SORCS2: variants seen among roughly 807,000 people sequenced by gnomAD.
SORCS2 encodes VPS10 domain-containing receptor SorCS2.
Under a neutral mutation model 141.6 loss-of-function variants are expected in SORCS2, and 100 were observed. The ratio of observed to expected loss-of-function variants is 0.71; its 90% CI spans 0.60 to 0.83. SORCS2 has a LOEUF of 0.83. Among genes scored for constraint, SORCS2 ranks in the 40% least tolerant of loss-of-function variants. SORCS2 has a pLI of 0.00. For synonymous variants in SORCS2, 789 were observed against 676.9 expected (o/e 1.17, Z -2.57); for missense variants, 1,646 against 1,560.2 (o/e 1.05, Z -0.93).
intron 1 of SORCS2, among the ~76,000 whole-genome samples, chr4:7,243,023 C>T (rs1012767701): frequency 6.6e-6 from 1 of 151,442 alleles, no homozygotes. Context: ...TCCTTGAGTG[C>T]GTCATTGGCT....
chr4:7,666,466 C>A (rs1156459745), intron 7 of SORCS2, among the ~76,000 whole-genome samples: 1 of 152,210 alleles, frequency 6.6e-6, no homozygotes, highest in Non-Finnish European at 1.5e-5. Context: ...TCCCTCCTCC[C>A]ACCCTGGTCC....
At chr4:7,584,060 G>A (rs1467960382) in intron 3 of SORCS2, among the ~76,000 whole-genome samples, 2 of 152,220 alleles carry the variant, frequency 1.3e-5, no homozygotes. Context: ...ACTGTGTCTT[G>A]CGGACACTAA....
At chr4:7,738,071 T>A (rs535807299) in intron 26 of SORCS2, among the ~76,000 whole-genome samples, 1 of 152,384 alleles carries the variant, frequency 6.6e-6, no homozygotes, top group South Asian at 2.1e-4. Context: ...ACGCTGTCAC[T>A]TGTGTCTTGC....
At chr4:7,566,394 A>G (rs1715017811) in intron 3 of SORCS2, among the ~76,000 whole-genome samples, 2 of 152,196 alleles carry the variant, frequency 1.3e-5, no homozygotes, top group Admixed American at 1.3e-4. Context: ...GAAGATGAAG[A>G]TGACGGATTG....
At chr4:7,271,954 C>T (rs1715166556) in intron 1 of SORCS2, among the ~76,000 whole-genome samples, 1 of 152,314 alleles carries the variant, frequency 6.6e-6, no homozygotes, top group South Asian at 2.1e-4. Flanking sequence ...CAGCCAGGGG[C>T]AGCAGGGAGC....
chr4:7,716,619 A>T (rs1478337329), intron 17 of SORCS2, among the ~76,000 whole-genome samples: 2 of 151,926 alleles, frequency 1.3e-5, no homozygotes, highest in Non-Finnish European at 2.9e-5. Context: ...CCACCCACCC[A>T]TCTGTCCATC....
At chr4:7,468,717 C>A (rs1431992820) in intron 2 of SORCS2, among the ~76,000 whole-genome samples, 1 of 152,234 alleles carries the variant, frequency 6.6e-6, no homozygotes, top group Non-Finnish European at 1.5e-5. Flanking sequence ...GGATCCTAAC[C>A]ATCTCTTCCA....
intron 11 of SORCS2, among the ~76,000 whole-genome samples, chr4:7,691,029 G>C (rs1724210857): frequency 6.6e-6 from 1 of 152,148 alleles, no homozygotes; most frequent in South Asian, 2.1e-4. Context: ...TTTGCACATG[G>C]GGTCTGTGAC....
rs1488636860 is a variant in SORCS2, at chr4:7,728,384, G to A, written c.2904G>A (p.Lys968=). ...AAGTCATGCCTCTGCAGTTTTCCAA[G>A]GAGCTGGATGCCTACAACCCCAACA... ...QFQVMPLQFS[K]ELDAYNPNTP... is the part of the protein sequence containing the mutation. The change falls in exon 22 of 27, where the codon AAG becomes AAA. Residue 968 remains lysine (K), a synonymous_variant. Transcript: ENST00000507866. 6.2e-7 allele frequency: 1 copy of A among 1,613,830 alleles called. No individual in the cohort carries two copies.
intron 12 of SORCS2, among the ~76,000 whole-genome samples, chr4:7,699,908 G>A (rs1292893609): frequency 2.0e-5 from 3 of 152,122 alleles, no homozygotes; most frequent in Non-Finnish European, 1.5e-5. Context: ...CCTCTAACGA[G>A]CCCCTGCCCC....
At chr4:7,225,713 C>T (rs1231979910) in intron 1 of SORCS2, among the ~76,000 whole-genome samples, 1 of 152,052 alleles carries the variant, frequency 6.6e-6, no homozygotes, top group Non-Finnish European at 1.5e-5. Flanking sequence ...GTGAGCTGGC[C>T]CACCAGGCTG....
At chr4:7,604,982 A>G (rs1717970767) in intron 3 of SORCS2, among the ~76,000 whole-genome samples, 2 of 152,212 alleles carry the variant, frequency 1.3e-5, no homozygotes, top group African/African-American at 4.8e-5. Context: ...GTTAGGATTC[A>G]TTTCAGCCAC....
intron 1 of SORCS2, among the ~76,000 whole-genome samples, chr4:7,248,886 C>G (rs899400874): frequency 5.9e-5 from 9 of 152,152 alleles, no homozygotes; most frequent in Non-Finnish European, 1.2e-4. Context: ...ACCCTGAGAG[C>G]TTGTGTCTGG....
chr4:7,733,051 G>T (rs1320705186), intron 23 of SORCS2, among the ~76,000 whole-genome samples: 1 of 139,122 alleles, frequency 7.2e-6, no homozygotes, highest in Non-Finnish European at 1.5e-5. Context: ...CACCCCTCTG[G>T]TGGATCCCAG....
intron 1 of SORCS2, among the ~76,000 whole-genome samples, chr4:7,223,010 T>C (rs932712100): frequency 2.6e-5 from 4 of 152,174 alleles, no homozygotes; most frequent in Admixed American, 6.5e-5. Context: ...GGATCCTAAC[T>C]GGACCCCAGG....
At chr4:7,440,985 C>T (rs921530692) in intron 2 of SORCS2, among the ~76,000 whole-genome samples, 3 of 152,084 alleles carry the variant, frequency 2.0e-5, no homozygotes, top group Non-Finnish European at 2.9e-5. Flanking sequence ...AAGGGAGTTT[C>T]GTGGGGTGAG....
intron 2 of SORCS2, among the ~76,000 whole-genome samples, chr4:7,468,202 G>C (rs139905326): frequency 6.6e-6 from 1 of 152,326 alleles, no homozygotes. Flanking sequence ...CAAGGCTTCT[G>C]TGTGAATAGC....
rs1712623613 is a variant in SORCS2 at position 7,740,930 on chromosome 4, C to T, written c.*666C>T. On this transcript the variant is annotated 3_prime_UTR_variant, in exon 27 of 27. Transcript: ENST00000507866. ...CTGTCAGAGTTCCGTACTCGGGAGC[C>T]CCTTTCCCTGAGTGCCCAGGGTGTC... is the stretch of plus-strand genomic sequence containing the variant. The T allele has an allele frequency of 2.5e-6, 1 of 398,036 alleles. No homozygotes were observed. The highest frequency in any genetic ancestry group is 4.4e-6 in the Non-Finnish European group (1 of 226,418). 24.7% of individuals were successfully genotyped at this position (398,036 alleles called of 1,614,324 possible).
intron 2 of SORCS2, among the ~76,000 whole-genome samples, chr4:7,412,225 T>C (rs534024562): frequency 6.6e-6 from 1 of 152,184 alleles, no homozygotes; most frequent in Non-Finnish European, 1.5e-5. Flanking sequence ...TCACTCTCCT[T>C]TCCTCCCCTG....
Sources: gnomAD v4.1 joint callset for allele counts (sites outside exome capture counted in the v4.1 genomes callset) on GRCh38, gnomAD v4.1.1 for gene constraint, MANE v1.5 for transcripts, NCBI Gene and HGNC (gene_info 2026-07-23, HGNC 2026-07-21) for gene names.